ASAP1: variants seen among roughly 807,000 people sequenced by gnomAD.
ASAP1 encodes the protein ArfGAP with SH3 domain, ankyrin repeat and PH domain 1, also known as arf-GAP with SH3 domain, ANK repeat and PH domain-containing protein 1.
A neutral mutation model predicts 145.2 loss-of-function variants in ASAP1; 43 were observed. The ratio of observed to expected loss-of-function variants is 0.30; its 90% confidence interval spans 0.23 to 0.38. ASAP1 has a LOEUF of 0.38. ASAP1 is among the 10% of genes least tolerant of loss of function. The pLI is 1.00. For missense variants in ASAP1, 1,018 were observed against 1,355.3 expected (o/e 0.75, Z 3.91); for synonymous variants, 546 against 515.5 (o/e 1.06, Z -0.80).
In ASAP1 at chr8:130,137,108, T is replaced by C. The variant is rs141241729; in HGVS notation, c.1081-70A>G. 4.7e-4 allele frequency: 591 copies of C among 1,266,314 alleles called. 3 individuals carry two copies. In the East Asian group the frequency reaches 0.012, roughly 27 times the overall value. 78.4% of individuals were successfully genotyped at this position (1,266,314 alleles called of 1,614,324 possible). On this transcript the variant is annotated intron_variant, in intron 13 of 29. Transcript: ENST00000518721. ...TCTTGTCTGCAGGTTCAGTGCCCTG[T>C]AGGGCAGGTATGCTGTTCATAAGGC...
At chr8:130,375,463 G>A (rs1225662840) in intron 2 of ASAP1, among the ~76,000 whole-genome samples, 1 of 151,930 alleles carries the variant, frequency 6.6e-6, no homozygotes, top group Non-Finnish European at 1.5e-5. Context: ...GAGAGGCTGA[G>A]GCTGAAGGAC....
chr8:130,076,248 T>C (rs1295692043), intron 27 of ASAP1, 100 bp downstream of exon 27: 9 of 761,950 alleles, frequency 1.2e-5, no homozygotes, highest in African/African-American at 1.8e-5. Context: ...CTCTAGGCAT[T>C]TGGGATGGAT....
chr8:130,108,757 G>GTTTTTTTTTTTTTTTTTTTTTT (rs10568607), intron 24 of ASAP1, among the ~76,000 whole-genome samples: 1 of 51,524 alleles, frequency 1.9e-5, no homozygotes, highest in Non-Finnish European at 3.3e-5. Flanking sequence ...TCAAAAACCA[G>GTTTTTTTTTTTTTTTTTTTTTT]TTTTTTTTTT....
intron 1 of ASAP1, among the ~76,000 whole-genome samples, chr8:130,412,509 T>C (rs1235945695): frequency 6.6e-6 from 1 of 152,064 alleles, no homozygotes; most frequent in Non-Finnish European, 1.5e-5. Flanking sequence ...GATGCCAGCA[T>C]CATGCTTCCT....
In ASAP1 at chr8:130,079,372, T is replaced by C. The variant is rs77879274; in HGVS notation, c.2642+530A>G. Among the ~76,000 whole-genome samples, 182 of 151,770 alleles carry C rather than the reference T, an allele frequency of 1.2e-3. 1 individual carries two copies. Among genetic ancestry groups the C allele is most frequent in the African/African-American group, 4.2e-3 (174 of 41,352 alleles). ...TGCCCGTAAGAGATCTCCTCAAGTA[T>C]ACAATTTCAGTGAAAAAAGGGAAGA... On this transcript the variant is annotated intron_variant, in intron 26 of 29. Coordinates refer to ENST00000518721, the MANE Select transcript of ASAP1 (RefSeq NM_018482.4).
At chr8:130,314,034 A>G (rs1823519911) in intron 3 of ASAP1, among the ~76,000 whole-genome samples, 1 of 152,244 alleles carries the variant, frequency 6.6e-6, no homozygotes, top group Non-Finnish European at 1.5e-5. Context: ...CAATCTGAAT[A>G]TAGAAGTACT....
At chr8:130,399,993 C>T (rs1391869711) in intron 2 of ASAP1, among the ~76,000 whole-genome samples, 2 of 151,944 alleles carry the variant, frequency 1.3e-5, no homozygotes, top group Non-Finnish European at 2.9e-5. Context: ...CTAATTTTGT[C>T]TTTTTTAGTA....
At chr8:130,134,648 G>C (rs567167391) in intron 14 of ASAP1, among the ~76,000 whole-genome samples, 1 of 152,226 alleles carries the variant, frequency 6.6e-6, no homozygotes, top group Non-Finnish European at 1.5e-5. Context: ...TTCTTCTTAA[G>C]TGCAACAAGA....
intron 3 of ASAP1, among the ~76,000 whole-genome samples, chr8:130,310,138 T>TGGG (rs368989712): frequency 1.2e-3 from 66 of 53,820 alleles, no homozygotes; most frequent in South Asian, 2.5e-3. Flanking sequence ...CAGTTTTTTT[T>TGGG]GGGGGGGGGA....
chr8:130,217,466 T>TACACGTATATATAC (rs1244697411), intron 4 of ASAP1, among the ~76,000 whole-genome samples: 2 of 152,050 alleles, frequency 1.3e-5, no homozygotes, highest in Non-Finnish European at 2.9e-5. Context: ...TATGTATATA[T>TACACGTATATATAC]ACACGTATAT....
intron 26 of ASAP1, among the ~76,000 whole-genome samples, chr8:130,076,805 C>A (rs1387447720): frequency 1.2e-4 from 18 of 152,206 alleles, no homozygotes; most frequent in Admixed American, 1.2e-3. Flanking sequence ...CAGGCATGAG[C>A]CACTGTGCCC....
At position 130,420,235 on chromosome 8, in the gene ASAP1, T is replaced by TACACACAC. The variant is rs34138357; in HGVS notation, c.-27-18273_-27-18266dup. ...ACCCACTAGGCTGGCCATAATGAAA[T>TACACACAC]ACACACACACACACACACACACACA... is the stretch of plus-strand genomic sequence containing the variant. On this transcript the variant is annotated intron_variant, in intron 1 of 29. Transcript: ENST00000518721. 2.7e-3 allele frequency among the ~76,000 whole-genome samples: 381 copies of TACACACAC among 139,410 alleles called. 3 individuals carry two copies. The highest frequency in any genetic ancestry group is 9.3e-3 in the African/African-American group (341 of 36,508). The allele number at this position is 139,410 out of a possible 152,430, so 91.5% of individuals were successfully genotyped here.
chr8:130,395,697 C>T (rs1008905469), intron 2 of ASAP1, among the ~76,000 whole-genome samples: 1 of 151,274 alleles, frequency 6.6e-6, no homozygotes, highest in African/African-American at 2.4e-5. Flanking sequence ...GACAGAGTCT[C>T]ACTCTGTCAC....
intron 3 of ASAP1, among the ~76,000 whole-genome samples, chr8:130,272,764 C>G (rs547720282): frequency 6.6e-6 from 1 of 152,226 alleles, no homozygotes; most frequent in Middle Eastern, 3.4e-3. Context: ...AGAACAATAT[C>G]TTATGTTCTC....
intron 9 of ASAP1, among the ~76,000 whole-genome samples, chr8:130,176,172 C>A (rs755666776): frequency 6.6e-6 from 1 of 152,170 alleles, no homozygotes; most frequent in East Asian, 1.9e-4. Context: ...ACGGAAGTGT[C>A]GTGACTATTA....
chr8:130,227,933 C>T lies in ASAP1; in HGVS notation c.259+8989G>A, dbSNP rs538068015. On this transcript the variant is annotated intron_variant, in intron 4 of 29. Coordinates refer to ENST00000518721, the MANE Select transcript of ASAP1 (RefSeq NM_018482.4). ...TTGCCCTTTCTGGGTGCACAGTTGG[C>T]GAGTCTGAGGGAAGGGCAACAGCAC... is the stretch of plus-strand genomic sequence containing the variant. Among the ~76,000 whole-genome samples, 82 of 152,086 alleles carry T rather than the reference C, an allele frequency of 5.4e-4. 1 individual carries two copies. Among genetic ancestry groups the T allele is most frequent in the Non-Finnish European group, 2.6e-4 (18 of 67,990 alleles).
At chr8:130,271,261 G>A (rs759512301) in intron 3 of ASAP1, among the ~76,000 whole-genome samples, 3 of 152,168 alleles carry the variant, frequency 2.0e-5, no homozygotes, top group Non-Finnish European at 2.9e-5. Flanking sequence ...GCTTCAGCAC[G>A]TGTCATGTTA....
In ASAP1 at chr8:130,369,369, A is replaced by G. The variant is rs191589335; in HGVS notation, c.60-11226T>C. Among the ~76,000 whole-genome samples, 66 of 152,348 alleles carry G rather than the reference A, an allele frequency of 4.3e-4. 1 individual carries two copies. The highest frequency in any genetic ancestry group is 4.4e-5 in the Non-Finnish European group (3 of 68,042). ...CAGGAAACAAAGTTTGTATACAATG[A>G]AATATCAGAAAGCAAAAGTGTCAGC... On this transcript the variant is annotated intron_variant, in intron 2 of 29. Coordinates refer to ENST00000518721, the MANE Select transcript of ASAP1 (RefSeq NM_018482.4).
intron 3 of ASAP1, among the ~76,000 whole-genome samples, chr8:130,289,207 CAAAA>C (rs943493646): frequency 2.7e-5 from 4 of 146,532 alleles, no homozygotes; most frequent in Middle Eastern, 3.2e-3. Context: ...CAAAAACAAA[CAAAA>C]AAAAAAACTA....
Sources: allele counts gnomAD v4.1 joint callset (sites outside exome capture counted in the v4.1 genomes callset), GRCh38; gene constraint gnomAD v4.1.1; transcripts MANE v1.5; gene names NCBI Gene and HGNC (gene_info 2026-07-23, HGNC 2026-07-21).